The following TAF9B variants were observed in gnomAD, a reference collection of about 807,000 sequenced individuals.
The protein encoded by TAF9B is transcription initiation factor TFIID subunit 9B.
In TAF9B, 47 loss-of-function variants were observed where a neutral mutation model predicts 17.6. The ratio of observed to expected loss-of-function variants is 2.68; its 90% CI spans 2.12 to 3.41. TAF9B has a LOEUF of 3.41. Ranked by LOEUF, TAF9B falls within the 30% of genes most tolerant of loss-of-function variation. The probability of loss-of-function intolerance (pLI) is 0.00; values close to 1 mark genes in which losing one functional copy is unlikely to be tolerated. For synonymous variants in TAF9B, 84 were observed against 68.7 expected (o/e 1.22, Z -1.10); for missense variants, 218 against 189.3 (o/e 1.15, Z -0.89).
Position 78,138,860 on chromosome X carries a change from A to C in TAF9B, c.116T>G (p.Met39Arg). ...TEYEPRVINQ[M>R]LEFAFRYVTT... ...TAACTTACGGAAAGCAAATTCCAAC[A>C]TTTGATTTATAACCCTTGGTTCATA... The change falls in exon 2 of 7, where the codon ATG becomes AGG. Residue 39 changes from methionine (M) to arginine (R), a missense_variant. Transcript: ENST00000341864. 8.3e-7 allele frequency: 1 copy of C among 1,207,579 alleles called. No homozygotes were observed. The highest frequency in any genetic ancestry group is 1.1e-6 in the Non-Finnish European group (1 of 891,682).
At chrX:78,133,651 A>T (rs937032181) in intron 5 of TAF9B, among the ~76,000 whole-genome samples, 84 of 111,975 alleles carry the variant, frequency 7.5e-4, no homozygotes, top group African/African-American at 2.6e-3. Flanking sequence ...AATAGTGGTA[A>T]AGAATGTAGG....
chrX:78,132,399 C>T (rs782709886), intron 6 of TAF9B, among the ~76,000 whole-genome samples: 2 of 111,930 alleles, frequency 1.8e-5, no homozygotes, highest in East Asian at 5.6e-4. Context: ...TGTATTTTAA[C>T]AACCTAGAAT....
intron 4 of TAF9B, 143 bp downstream of exon 4, chrX:78,137,606 C>T (rs1377506709): frequency 5.6e-6 from 3 of 533,021 alleles, no homozygotes; most frequent in East Asian, 4.1e-5. Flanking sequence ...CCATCTAGCT[C>T]GAAAATTTTT....
chrX:78,139,192 A>G (rs1402374339), intron 1 of TAF9B, among the ~76,000 whole-genome samples: 1 of 111,535 alleles, frequency 9.0e-6, no homozygotes, highest in Non-Finnish European at 1.9e-5. Flanking sequence ...AGCAGAGGTA[A>G]GTAGCTCCAG....
intron 6 of TAF9B, 81 bp from the exon 7 acceptor site, chrX:78,131,854 C>T: frequency 1.1e-6 from 1 of 932,694 alleles, no homozygotes; most frequent in Non-Finnish European, 1.5e-6. Flanking sequence ...AAGTATACAA[C>T]AAAGCTGAAT....
At chrX:78,134,955 ATT>A (rs569869340) in intron 5 of TAF9B, among the ~76,000 whole-genome samples, 1 of 95,759 alleles carries the variant, frequency 1.0e-5, no homozygotes. Flanking sequence ...AATCATTTTA[ATT>A]TTTTTTTTTT....
intron 6 of TAF9B, 26 bp downstream of exon 6, chrX:78,133,312 C>G (rs2078421345): frequency 9.0e-7 from 1 of 1,106,295 alleles, no homozygotes; most frequent in South Asian, 1.9e-5. Flanking sequence ...TTCACAAATT[C>G]TGTCCCCCAC....
At chrX:78,132,847 CTT>C (rs2078419610) in intron 6 of TAF9B, among the ~76,000 whole-genome samples, 1 of 110,479 alleles carries the variant, frequency 9.1e-6, no homozygotes, top group South Asian at 3.8e-4. Flanking sequence ...ACTGAATACT[CTT>C]TCCCTCCTCC....
intron 5 of TAF9B, among the ~76,000 whole-genome samples, chrX:78,136,030 C>T (rs1297366539): frequency 9.0e-6 from 1 of 111,374 alleles, no homozygotes; most frequent in African/African-American, 3.3e-5. Context: ...GCTGTTTATA[C>T]CTGAGCTATA....
chrX:78,137,049 G>T, intron 4 of TAF9B, 59 bp from the exon 5 acceptor site: 1 of 862,640 alleles, frequency 1.2e-6, no homozygotes, highest in African/African-American at 1.9e-5. Context: ...TACCAGGAAT[G>T]AAATTAGGAT....
chrX:78,132,404 T>C (rs1267897423), intron 6 of TAF9B, among the ~76,000 whole-genome samples: 1 of 112,123 alleles, frequency 8.9e-6, no homozygotes, highest in East Asian at 2.8e-4. Flanking sequence ...TTTAACAACC[T>C]AGAATTTCAA....
chrX:78,134,410 A>AAT (rs1270194592), intron 5 of TAF9B, among the ~76,000 whole-genome samples: 1 of 111,752 alleles, frequency 8.9e-6, no homozygotes, highest in African/African-American at 3.3e-5. Context: ...TCGAAGACTT[A>AAT]ATATATATAC....
rs1418915644 is a variant in TAF9B at position 78,130,519 on chromosome X, T to C, written c.*1091A>G. The C allele has an allele frequency of 8.9e-6, 1 of 112,645 alleles. No homozygotes were observed. Among genetic ancestry groups the C allele is most frequent in the Non-Finnish European group, 1.9e-5 (1 of 53,313 alleles). 9.3% of individuals were successfully genotyped at this position (112,645 alleles called of 1,213,427 possible). On this transcript the variant is annotated 3_prime_UTR_variant, in exon 7 of 7. Transcript: ENST00000341864. ...CATTAGTGTCTTTCAGGTTTGATCC[T>C]GTCTTATATGTGACATCCTCAGCAA...
chrX:78,131,640 A>T lies in TAF9B; in HGVS notation c.726T>A (p.His242Gln). 1.2e-5 allele frequency: 14 copies of T among 1,210,794 alleles called. No individual in the cohort carries two copies. The highest frequency in any genetic ancestry group is 1.6e-5 in the Non-Finnish European group (14 of 894,778). Residue 242 changes from histidine (H) to glutamine (Q), a missense_variant, in exon 7 of 7, where the codon CAT (histidine) becomes CAA (glutamine). Transcript: ENST00000341864. Reference protein sequence around the residue: ...ANEANPLKRKHEDDDDNDIM With the variant: ...ANEANPLKRKQEDDDDNDIM ...TAATATCATTGTCATCATCATCTTC[A>T]TGTTTTCTCTTCAGTGGGTTTGCTT...
At position 78,130,380 on chromosome X, in the gene TAF9B, G is replaced by A. The variant is rs1241814663; in HGVS notation, c.*1230C>T. On this transcript the variant is annotated 3_prime_UTR_variant, in exon 7 of 7. Transcript: ENST00000341864. ...TTAATATGTGTATAAATGGAAAACA[G>A]GGAAAGGTGTTCAGCAACATTACAG... 1 of 112,563 alleles carries A rather than the reference G, an allele frequency of 8.9e-6. No individual in the cohort carries two copies. The highest frequency in any genetic ancestry group is 1.9e-5 in the Non-Finnish European group (1 of 53,351). The allele number at this position is 112,563 out of a possible 1,213,427, so 9.3% of individuals were successfully genotyped here. A position where few individuals can be genotyped will look rare whatever the true frequency, so the allele number is the denominator to read the frequency against.
At chrX:78,133,240 T>A in intron 6 of TAF9B, 98 bp downstream of exon 6, 1 of 656,002 alleles carries the variant, frequency 1.5e-6, no homozygotes. Flanking sequence ...ACCTTCCTGT[T>A]GGGTATTAAA....
chrX:78,131,993 T>G (rs1185008160), intron 6 of TAF9B, among the ~76,000 whole-genome samples: 1 of 112,493 alleles, frequency 8.9e-6, no homozygotes, highest in Non-Finnish European at 1.9e-5. Context: ...ATAATAATTG[T>G]GTATTTATTT....
chrX:78,130,406 T>A lies in TAF9B; in HGVS notation c.*1204A>T, dbSNP rs2078404508. The A allele has an allele frequency of 8.9e-6, 1 of 112,488 alleles. No homozygotes were observed. The highest frequency in any genetic ancestry group is 3.2e-5 in the African/African-American group (1 of 30,974). The allele number at this position is 112,488 out of a possible 1,213,427, so 9.3% of individuals were successfully genotyped here. On this transcript the variant is annotated 3_prime_UTR_variant, in exon 7 of 7. Transcript: ENST00000341864. ...GGAAAGGTGTTCAGCAACATTACAG[T>A]ATTATTGGGAAACCTATGCAGAGTG...
At position 78,138,835 on chromosome X, in the gene TAF9B, T is replaced by A; in HGVS notation, c.133+8A>T. On this transcript the variant is annotated splice_region_variant and intron_variant, in intron 2 of 6. Transcript: ENST00000341864. ...GTTAGGCAAGTTTTTGGTGTTTCAT[T>A]AACTTACGGAAAGCAAATTCCAACA... 8.5e-7 allele frequency: 1 copy of A among 1,179,416 alleles called. No individual in the cohort carries two copies. The highest frequency in any genetic ancestry group is 1.2e-6 in the Non-Finnish European group (1 of 866,811).
Sources: gnomAD v4.1 joint callset for allele counts (sites outside exome capture counted in the v4.1 genomes callset) on GRCh38, gnomAD v4.1.1 for gene constraint, MANE v1.5 for transcripts, NCBI Gene and HGNC (gene_info 2026-07-23, HGNC 2026-07-21) for gene names.